The following GFRA1 variants were observed in gnomAD, a reference collection of about 807,000 sequenced individuals.
The protein encoded by GFRA1 is GDNF family receptor alpha-1.
A neutral mutation model predicts 51.6 loss-of-function variants in GFRA1; 16 were observed. The ratio of observed to expected loss-of-function variants is 0.31; its 90% CI spans 0.21 to 0.47. The LOEUF (loss-of-function observed/expected upper bound fraction) is 0.47, where lower values mean the gene tolerates loss of function less well. Among genes scored for constraint, GFRA1 ranks in the 20% least tolerant of loss-of-function variants. The pLI, the probability that GFRA1 is intolerant of heterozygous loss-of-function variation, is 1.00. For missense variants in GFRA1, 530 were observed against 594.3 expected (o/e 0.89, Z 1.13); for synonymous variants, 270 against 241.3 (o/e 1.12, Z -1.10).
rs1340619906 is a variant in GFRA1, at chr10:116,120,923, C to T, written c.770+4298G>A. Among the ~76,000 whole-genome samples, 6 of 152,290 alleles carry T rather than the reference C, an allele frequency of 3.9e-5. No individual in the cohort carries two copies. In the East Asian group the frequency reaches 1.2e-3, roughly 30 times the overall value. ...CCCATGTGGCAGCAGCTAAAGCTACCGGCAAGCGGGCGGCTTCGCAGGCTT... is the reference window on the plus strand; with the variant it reads ...CCCATGTGGCAGCAGCTAAAGCTACTGGCAAGCGGGCGGCTTCGCAGGCTT... On this transcript the variant is annotated intron_variant, in intron 6 of 10. Transcript: ENST00000355422.
chr10:116,175,106 C>T (rs1199351139), intron 5 of GFRA1, among the ~76,000 whole-genome samples: 1 of 152,170 alleles, frequency 6.6e-6, no homozygotes, highest in Non-Finnish European at 1.5e-5. Context: ...TGTTAGAAAC[C>T]CTGTACATGG....
At chr10:116,166,554 C>T (rs941504780) in intron 5 of GFRA1, among the ~76,000 whole-genome samples, 1 of 152,098 alleles carries the variant, frequency 6.6e-6, no homozygotes, top group Non-Finnish European at 1.5e-5. Context: ...TTCCCAACAA[C>T]ACCTTCCCCC....
At chr10:116,221,680 C>T (rs1965936063) in intron 4 of GFRA1, among the ~76,000 whole-genome samples, 1 of 152,086 alleles carries the variant, frequency 6.6e-6, no homozygotes, top group African/African-American at 2.4e-5. Flanking sequence ...CCACCCTGGC[C>T]TCTCAAAGTG....
intron 5 of GFRA1, among the ~76,000 whole-genome samples, chr10:116,199,083 T>C (rs1460726055): frequency 6.6e-6 from 1 of 152,284 alleles, no homozygotes; most frequent in East Asian, 1.9e-4. Flanking sequence ...GGACAGATCC[T>C]CTTCTAGAGC....
intron 9 of GFRA1, among the ~76,000 whole-genome samples, chr10:116,073,016 T>C (rs550201458): frequency 6.6e-6 from 1 of 152,336 alleles, no homozygotes; most frequent in African/African-American, 2.4e-5. Context: ...AACCTCACGC[T>C]AATTGGGCCT....
At chr10:116,168,560 G>A (rs1370177260) in intron 5 of GFRA1, among the ~76,000 whole-genome samples, 1 of 152,144 alleles carries the variant, frequency 6.6e-6, no homozygotes, top group Non-Finnish European at 1.5e-5. Context: ...TGCTCATCAG[G>A]CCACAGGAGG....
chr10:116,125,402 G>A lies in GFRA1; in HGVS notation c.589C>T (p.Arg197Trp), dbSNP rs769660960. 4.3e-6 allele frequency: 7 copies of A among 1,614,132 alleles called. No individual in the cohort carries two copies. The African/African-American group carries it at 5.3e-5, about 12-fold the overall frequency. Residue 197 changes from arginine to tryptophan, a missense_variant, in exon 6 of 11, where the codon CGG (arginine) becomes TGG (tryptophan). Arg to Trp is a moderately radical substitution (Grantham distance 101, BLOSUM62 -3). Coordinates refer to ENST00000355422, the MANE Select transcript of GFRA1 (RefSeq NM_005264.8). ...CNRRKCHKALRQFFDKVPAKH... is the reference protein window; with the variant it reads ...CNRRKCHKALWQFFDKVPAKH... ...GCCGGGACCTTGTCAAAGAACTGCC[G>A]GAGGGCCTTGTGGCACTTGCGGCGG...
At chr10:116,149,351 G>A (rs889247265) in intron 5 of GFRA1, among the ~76,000 whole-genome samples, 1 of 152,256 alleles carries the variant, frequency 6.6e-6, no homozygotes, top group Non-Finnish European at 1.5e-5. Flanking sequence ...GAGAAACAGG[G>A]ATTTTTAGCC....
intron 4 of GFRA1, among the ~76,000 whole-genome samples, chr10:116,235,889 T>G (rs1032680336): frequency 3.3e-5 from 5 of 152,076 alleles, no homozygotes; most frequent in African/African-American, 1.2e-4. Context: ...CAGAATGAAA[T>G]TCGCCTTGCT....
chr10:116,233,688 C>T (rs1169346417), intron 4 of GFRA1, among the ~76,000 whole-genome samples: 2 of 152,176 alleles, frequency 1.3e-5, no homozygotes, highest in Non-Finnish European at 2.9e-5. Context: ...TCAGGTGCTC[C>T]CCATCTATCA....
intron 4 of GFRA1, among the ~76,000 whole-genome samples, chr10:116,250,101 T>TCA (rs1308452923): frequency 1.3e-5 from 2 of 152,098 alleles, no homozygotes; most frequent in Non-Finnish European, 2.9e-5. Flanking sequence ...ATGTGTGTGC[T>TCA]AGGGAGGAGA....
At chr10:116,268,340 A>C (rs915100505) in intron 4 of GFRA1, among the ~76,000 whole-genome samples, 1 of 152,364 alleles carries the variant, frequency 6.6e-6, no homozygotes, top group Non-Finnish European at 1.5e-5. Context: ...TGATTACCTA[A>C]GTTAATGATG....
intron 5 of GFRA1, among the ~76,000 whole-genome samples, chr10:116,210,324 G>GA (rs1241982630): frequency 1.3e-5 from 2 of 151,926 alleles, no homozygotes; most frequent in Non-Finnish European, 2.9e-5. Context: ...GTTTCAAGAG[G>GA]AAAAATGCAA....
rs1409954551 is a variant in GFRA1, at chr10:116,089,774, G to A, written c.1164C>T (p.Pro388=). Residue 388 remains proline, a synonymous_variant, in exon 9 of 11, where the codon CCC becomes CCT. Coordinates refer to ENST00000355422, the MANE Select transcript of GFRA1 (RefSeq NM_005264.8). ...LGPAGSENEI[P]THVLPPCANL... Reference sequence around the variant, plus strand: ...TTGCACACGGTGGCAAAACATGAGTGGGAATTTCATTCTCAGACCCTGCTG... The same window carrying A: ...TTGCACACGGTGGCAAAACATGAGTAGGAATTTCATTCTCAGACCCTGCTG... 1.2e-6 allele frequency: 2 copies of A among 1,613,986 alleles called. No individual in the cohort carries two copies. Among genetic ancestry groups the A allele is most frequent in the African/African-American group, 2.7e-5 (2 of 74,922 alleles).
intron 5 of GFRA1, among the ~76,000 whole-genome samples, chr10:116,179,721 C>T (rs962966270): frequency 6.6e-6 from 1 of 152,160 alleles, no homozygotes; most frequent in Non-Finnish European, 1.5e-5. Context: ...TTGGAAAGGA[C>T]ACTCCACACA....
At chr10:116,088,377 C>T (rs1956184526) in intron 9 of GFRA1, among the ~76,000 whole-genome samples, 2 of 152,118 alleles carry the variant, frequency 1.3e-5, no homozygotes, top group African/African-American at 4.8e-5. Flanking sequence ...CCAAACATCC[C>T]CTTCTCCAGC....
intron 5 of GFRA1, among the ~76,000 whole-genome samples, chr10:116,167,169 C>T (rs974303795): frequency 6.6e-6 from 1 of 152,134 alleles, no homozygotes; most frequent in African/African-American, 2.4e-5. Context: ...CTTTAAATAG[C>T]AGAAGAACTT....
intron 4 of GFRA1, 133 bp downstream of exon 4, chr10:116,269,370 T>A (rs957115655): frequency 2.9e-5 from 21 of 713,814 alleles, no homozygotes; most frequent in African/African-American, 2.6e-4. Context: ...ATTATCATCA[T>A]CCTATTTCTA....
rs1489844414 is a variant in GFRA1, at chr10:116,059,564, A to G, written c.*4834T>C. Reference sequence around the variant, plus strand: ...ACCTTAGGGGGCTGAGACCTCAACGACTATTAGCAGGCTGTGGTTCTCTGC... The same window carrying G: ...ACCTTAGGGGGCTGAGACCTCAACGGCTATTAGCAGGCTGTGGTTCTCTGC... On this transcript the variant is annotated 3_prime_UTR_variant, in exon 11 of 11. Coordinates refer to ENST00000355422, the MANE Select transcript of GFRA1 (RefSeq NM_005264.8). The G allele has an allele frequency of 6.6e-6, 1 of 152,244 alleles. No individual in the cohort carries two copies. The highest frequency in any genetic ancestry group is 2.4e-5 in the African/African-American group (1 of 41,458). The allele number at this position is 152,244 out of a possible 1,614,324, so 9.4% of individuals were successfully genotyped here. A position where few individuals can be genotyped will look rare whatever the true frequency, so the allele number is the denominator to read the frequency against.
Sources: gnomAD v4.1 joint callset for allele counts (sites outside exome capture counted in the v4.1 genomes callset) on GRCh38, gnomAD v4.1.1 for gene constraint, MANE v1.5 for transcripts, NCBI Gene and HGNC (gene_info 2026-07-23, HGNC 2026-07-21) for gene names.